SNTG2: variants seen among roughly 807,000 people sequenced by gnomAD.
SNTG2 encodes syntrophin gamma 2.
A neutral mutation model predicts 70.9 loss-of-function variants in SNTG2; 74 were observed. That is an observed-to-expected ratio of 1.04 (90% CI 0.86 to 1.27). SNTG2 has a LOEUF of 1.27. SNTG2 is among the 50% of genes most tolerant of loss of function. SNTG2 has a pLI of 0.00. For synonymous variants in SNTG2, 278 were observed against 273.8 expected, an observed-to-expected ratio of 1.02 and a Z score of -0.15; for missense variants, 717 against 690.7, an observed-to-expected ratio of 1.04 and a Z score of -0.43.
intron 1 of SNTG2, among the ~76,000 whole-genome samples, chr2:1,041,450 C>T (rs756052223): frequency 6.6e-6 from 1 of 151,968 alleles, no homozygotes; most frequent in Non-Finnish European, 1.5e-5. Context: ...TATTGCTAGC[C>T]GATATAGTTT....
chr2:1,246,959 A>G (rs950480518), intron 11 of SNTG2, among the ~76,000 whole-genome samples: 1 of 152,228 alleles, frequency 6.6e-6, no homozygotes, highest in African/African-American at 2.4e-5. Flanking sequence ...AATGAAAAAT[A>G]TAATTAGCTG....
chr2:1,020,943 T>C (rs951040433), intron 1 of SNTG2, among the ~76,000 whole-genome samples: 6 of 152,222 alleles, frequency 3.9e-5, no homozygotes, highest in African/African-American at 1.4e-4. Flanking sequence ...AATTATTTCA[T>C]TGAACCTGGA....
chr2:1,172,957 C>G (rs1671223905), intron 7 of SNTG2, 135 bp from the exon 8 acceptor site: 2 of 738,908 alleles, frequency 2.7e-6, no homozygotes, highest in African/African-American at 1.8e-5. Context: ...TGGGGATGAC[C>G]CAGCCCATAA....
chr2:1,046,677 A>G (rs1661754890), intron 1 of SNTG2, among the ~76,000 whole-genome samples: 1 of 152,160 alleles, frequency 6.6e-6, no homozygotes, highest in Non-Finnish European at 1.5e-5. Flanking sequence ...GATGTTGAAT[A>G]TAGGTCTCCA....
At chr2:1,165,309 G>A (rs1670632047) in intron 6 of SNTG2, among the ~76,000 whole-genome samples, 1 of 151,980 alleles carries the variant, frequency 6.6e-6, no homozygotes, top group African/African-American at 2.4e-5. Flanking sequence ...GATGATACGG[G>A]CAGACCCCTG....
intron 1 of SNTG2, among the ~76,000 whole-genome samples, chr2:996,480 C>T (rs1333800799): frequency 3.3e-5 from 5 of 151,990 alleles, no homozygotes; most frequent in African/African-American, 9.7e-5. Context: ...CTTGTGACTT[C>T]ATCTAAATCA....
At chr2:1,363,445 CCT>C (rs1326019644) in intron 16 of SNTG2, among the ~76,000 whole-genome samples, 3 of 152,120 alleles carry the variant, frequency 2.0e-5, no homozygotes, top group African/African-American at 7.2e-5. Flanking sequence ...TTTGGGAGAG[CCT>C]CTCTCTGTCA....
chr2:1,157,628 G>A (rs1669991781), intron 6 of SNTG2, among the ~76,000 whole-genome samples: 1 of 152,228 alleles, frequency 6.6e-6, no homozygotes, highest in Admixed American at 6.5e-5. Context: ...GAGTTTCATA[G>A]GCTAAGGTCT....
intron 15 of SNTG2, among the ~76,000 whole-genome samples, chr2:1,311,204 C>T (rs1359041690): frequency 1.3e-5 from 2 of 152,192 alleles, no homozygotes; most frequent in East Asian, 3.9e-4. Context: ...TCAATGAAGA[C>T]GTCTTTTTGC....
intron 1 of SNTG2, among the ~76,000 whole-genome samples, chr2:1,041,499 T>A (rs1661432959): frequency 1.3e-5 from 2 of 152,184 alleles, no homozygotes; most frequent in African/African-American, 4.8e-5. Flanking sequence ...TGAATTGTGA[T>A]CTCCAGTGTT....
At chr2:1,300,924 T>C (rs546069215) in intron 14 of SNTG2, among the ~76,000 whole-genome samples, 2 of 152,310 alleles carry the variant, frequency 1.3e-5, no homozygotes, top group Non-Finnish European at 2.9e-5. Context: ...TCTGCAGTGA[T>C]GTCCAAAAAT....
intron 9 of SNTG2, among the ~76,000 whole-genome samples, chr2:1,217,613 C>T (rs959942357): frequency 9.9e-5 from 15 of 152,238 alleles, no homozygotes; most frequent in South Asian, 6.2e-4. Context: ...CATAACCATG[C>T]GATCCTGACT....
chr2:1,085,052 A>G (rs146005645), intron 2 of SNTG2, among the ~76,000 whole-genome samples: 1,914 of 152,268 alleles, frequency 0.013, 10 homozygotes, highest in African/African-American at 0.015. Context: ...ACGGGCTCAT[A>G]CAAGATTCCC....
intron 1 of SNTG2, among the ~76,000 whole-genome samples, chr2:1,042,389 T>G (rs1384762845): frequency 6.6e-6 from 1 of 152,168 alleles, no homozygotes; most frequent in Admixed American, 6.5e-5. Flanking sequence ...AACTTTTGTT[T>G]TAGGTTCGGG....
intron 2 of SNTG2, among the ~76,000 whole-genome samples, chr2:1,088,572 T>A (rs1477406200): frequency 6.6e-6 from 1 of 152,204 alleles, no homozygotes; most frequent in African/African-American, 2.4e-5. Flanking sequence ...TTGGCTACTG[T>A]TCCTAGAAAG....
At chr2:992,989 A>G (rs1055213393) in intron 1 of SNTG2, among the ~76,000 whole-genome samples, 9 of 151,994 alleles carry the variant, frequency 5.9e-5, no homozygotes, top group South Asian at 2.1e-4. Flanking sequence ...GGCAACATCA[A>G]ATCTACTTTA....
intron 1 of SNTG2, among the ~76,000 whole-genome samples, chr2:1,044,704 A>G (rs1432729638): frequency 1.3e-5 from 2 of 152,088 alleles, no homozygotes; most frequent in East Asian, 3.8e-4. Context: ...ATTTATTTGC[A>G]TATGTTGAAC....
At chr2:1,141,896 A>G (rs368763462) in intron 6 of SNTG2, among the ~76,000 whole-genome samples, 34 of 152,182 alleles carry the variant, frequency 2.2e-4, no homozygotes, top group African/African-American at 8.0e-4. Context: ...ACATTGTGAC[A>G]GGGGCCATGG....
chr2:1,065,265 C>G (rs766254492), intron 1 of SNTG2, among the ~76,000 whole-genome samples: 1 of 152,106 alleles, frequency 6.6e-6, no homozygotes, highest in Non-Finnish European at 1.5e-5. Context: ...TCAGACCCTT[C>G]ACCACAAGGC....
Sources: allele counts gnomAD v4.1 joint callset (sites outside exome capture counted in the v4.1 genomes callset), GRCh38; gene constraint gnomAD v4.1.1; transcripts MANE v1.5; gene names NCBI Gene and HGNC (gene_info 2026-07-23, HGNC 2026-07-21).